DLGAP2: variants seen among roughly 807,000 people sequenced by gnomAD.
The protein encoded by DLGAP2 is DLG associated protein 2.
In DLGAP2, 26 loss-of-function variants were observed where a neutral mutation model predicts 100.3. The observed-to-expected ratio is 0.26, with a 90% CI of 0.19 to 0.36. DLGAP2 has a LOEUF of 0.36. DLGAP2 is among the 10% of genes least tolerant of loss of function. DLGAP2 has a pLI of 1.00. For synonymous variants in DLGAP2, 886 were observed against 630.1 expected (o/e 1.41, Z -6.08); for missense variants, 1,858 against 1,453.2 (o/e 1.28, Z -4.53).
chr8:1,189,657 G>A (rs1303437737), intron 2 of DLGAP2, among the ~76,000 whole-genome samples: 1 of 152,230 alleles, frequency 6.6e-6, no homozygotes, highest in African/African-American at 2.4e-5. Flanking sequence ...CCTGGAAACG[G>A]GATGGATCAA....
intron 2 of DLGAP2, among the ~76,000 whole-genome samples, chr8:979,488 G>C (rs1207043873): frequency 6.6e-6 from 1 of 152,246 alleles, no homozygotes; most frequent in African/African-American, 2.4e-5. Flanking sequence ...TAACTGGAGA[G>C]ACAGGAGACA....
At chr8:1,126,307 A>G (rs1032701065) in intron 2 of DLGAP2, among the ~76,000 whole-genome samples, 3 of 152,136 alleles carry the variant, frequency 2.0e-5, no homozygotes, top group Non-Finnish European at 4.4e-5. Context: ...ATATATTTCC[A>G]TGTAGCCAGA....
chr8:1,474,050 G>A (rs577681295), intron 3 of DLGAP2, among the ~76,000 whole-genome samples: 5 of 151,860 alleles, frequency 3.3e-5, no homozygotes, highest in East Asian at 1.9e-4. Context: ...CCTTCCCCCC[G>A]AGTCCCCAAA....
intron 2 of DLGAP2, among the ~76,000 whole-genome samples, chr8:958,454 C>T (rs982308638): frequency 5.3e-5 from 8 of 151,982 alleles, no homozygotes; most frequent in South Asian, 2.1e-4. Context: ...TATGGTGATT[C>T]TGGTTTTCAT....
chr8:1,018,221 C>G (rs1801526824), intron 2 of DLGAP2, among the ~76,000 whole-genome samples: 2 of 152,092 alleles, frequency 1.3e-5, no homozygotes, highest in African/African-American at 4.8e-5. Context: ...TCAGCTTGTC[C>G]CTGCTCAATC....
chr8:1,243,320 C>T (rs1042596048), intron 2 of DLGAP2, among the ~76,000 whole-genome samples: 3 of 152,120 alleles, frequency 2.0e-5, no homozygotes, highest in Admixed American at 6.5e-5. Context: ...CTCTGCTCTG[C>T]GAGGTCTTGG....
chr8:1,006,559 T>A (rs1327572503), intron 2 of DLGAP2, among the ~76,000 whole-genome samples: 2 of 58,140 alleles, frequency 3.4e-5, no homozygotes, highest in South Asian at 1.7e-3. Flanking sequence ...AGTCTCAGGA[T>A]GTCCTTTATC....
chr8:1,415,051 C>T (rs1796840545), intron 3 of DLGAP2, among the ~76,000 whole-genome samples: 2 of 152,180 alleles, frequency 1.3e-5, no homozygotes, highest in South Asian at 2.1e-4. Context: ...ATTTTGATCC[C>T]TGTATTATAC....
At chr8:946,208 A>T (rs1387838831) in intron 2 of DLGAP2, among the ~76,000 whole-genome samples, 1 of 150,494 alleles carries the variant, frequency 6.6e-6, no homozygotes, top group African/African-American at 2.4e-5. Flanking sequence ...ATCTCCTGGG[A>T]TGTGTATTGG....
chr8:1,282,005 A>C (rs867937918), intron 3 of DLGAP2, among the ~76,000 whole-genome samples: 3 of 145,952 alleles, frequency 2.1e-5, no homozygotes, highest in African/African-American at 7.7e-5. Flanking sequence ...TGAACCATCC[A>C]GACATGGTGT....
chr8:1,005,947 C>T (rs1801096266), intron 2 of DLGAP2, among the ~76,000 whole-genome samples: 1 of 152,104 alleles, frequency 6.6e-6, no homozygotes, highest in African/African-American at 2.4e-5. Flanking sequence ...CGCGGTGGCT[C>T]ACGTCTGCTG....
chr8:773,621 G>GT (rs1346818937), intron 1 of DLGAP2, among the ~76,000 whole-genome samples: 17 of 151,120 alleles, frequency 1.1e-4, no homozygotes, highest in Non-Finnish European at 4.4e-5. Context: ...TCTTGCGATA[G>GT]TTTACTGAGA....
At chr8:1,214,966 A>G (rs1001100631) in intron 2 of DLGAP2, among the ~76,000 whole-genome samples, 9 of 152,200 alleles carry the variant, frequency 5.9e-5, no homozygotes, top group Non-Finnish European at 1.0e-4. Context: ...ATGCAGTGCA[A>G]TCTCGTTTCG....
chr8:975,368 A>T (rs924849883), intron 2 of DLGAP2, among the ~76,000 whole-genome samples: 1 of 152,222 alleles, frequency 6.6e-6, no homozygotes, highest in African/African-American at 2.4e-5. Flanking sequence ...ACAGAAATAG[A>T]GGGAATAAAT....
intron 8 of DLGAP2, among the ~76,000 whole-genome samples, chr8:1,656,191 C>T (rs895458992): frequency 1.3e-5 from 2 of 151,940 alleles, no homozygotes; most frequent in Admixed American, 6.6e-5. Flanking sequence ...GGCGTGGTAC[C>T]GCGTGCTACT....
At chr8:1,475,723 G>C (rs1798913424) in intron 3 of DLGAP2, among the ~76,000 whole-genome samples, 2 of 152,182 alleles carry the variant, frequency 1.3e-5, no homozygotes, top group Admixed American at 1.3e-4. Flanking sequence ...AGTGGCACCT[G>C]CCGGCTTGGG....
intron 2 of DLGAP2, among the ~76,000 whole-genome samples, chr8:1,010,111 A>G (rs767069867): frequency 2.6e-5 from 4 of 152,242 alleles, no homozygotes; most frequent in Non-Finnish European, 4.4e-5. Flanking sequence ...AAGATTTTTA[A>G]AATATCTTAA....
At chr8:1,625,767 C>A (rs767022166) in intron 6 of DLGAP2, among the ~76,000 whole-genome samples, 1 of 152,236 alleles carries the variant, frequency 6.6e-6, no homozygotes, top group Non-Finnish European at 1.5e-5. Flanking sequence ...ATTTCACTAC[C>A]TGGCCATAAA....
Position 1,549,478 on chromosome 8 carries a change from C to T in DLGAP2, c.1025C>T (p.Thr342Ile). The T allele has an allele frequency of 6.2e-7, 1 of 1,613,550 alleles. No homozygotes were observed. The highest frequency in any genetic ancestry group is 1.1e-5 in the South Asian group (1 of 91,084). ...CCCTTCGGGGACCTGTCCCTCAAGA[C>T]CTCCAAGAGCAACAACGACGTCAAG... ...QSPFGDLSLK[T>I]SKSNNDVKCS... The change falls in exon 5 of 15, where the codon ACC becomes ATC. Residue 342 changes from threonine to isoleucine, a missense_variant. Physicochemically the swap from Thr to Ile is moderately conservative, Grantham distance 89. Coordinates refer to ENST00000637795, the MANE Select transcript of DLGAP2 (RefSeq NM_001346810.2).
Sources: gnomAD v4.1 joint callset for allele counts (sites outside exome capture counted in the v4.1 genomes callset) on GRCh38, gnomAD v4.1.1 for gene constraint, MANE v1.5 for transcripts, NCBI Gene and HGNC (gene_info 2026-07-23, HGNC 2026-07-21) for gene names.